The following DOCK2 variants were observed in gnomAD, a reference collection of about 807,000 sequenced individuals.
The protein encoded by DOCK2 is dedicator of cytokinesis protein 2.
DOCK2 carries 87 observed loss-of-function variants against 248.9 expected under a neutral mutation model. The ratio of observed to expected loss-of-function variants is 0.35; its 90% CI spans 0.29 to 0.42. The LOEUF (loss-of-function observed/expected upper bound fraction) is 0.42, where lower values mean the gene tolerates loss of function less well. Among genes scored for constraint, DOCK2 ranks in the 10% least tolerant of loss-of-function variants. The probability of loss-of-function intolerance (pLI) is 1.00; values close to 1 mark genes in which losing one functional copy is unlikely to be tolerated. For synonymous variants in DOCK2, 805 were observed against 821.6 expected (o/e 0.98, Z 0.35); for missense variants, 1,747 against 2,300.2 (o/e 0.76, Z 4.92).
At chr5:169,951,937 C>A (rs894465643) in intron 27 of DOCK2, among the ~76,000 whole-genome samples, 3 of 152,244 alleles carry the variant, frequency 2.0e-5, no homozygotes, top group African/African-American at 7.2e-5. Context: ...GACTCCTAGG[C>A]TCTATGTTAT....
chr5:169,928,806 A>G (rs547872833), intron 27 of DOCK2, among the ~76,000 whole-genome samples: 2 of 152,336 alleles, frequency 1.3e-5, no homozygotes, highest in Non-Finnish European at 2.9e-5. Context: ...ATCTAATGTT[A>G]TTAGGTTAAA....
chr5:170,008,879 A>G (rs1755170184), intron 32 of DOCK2, 133 bp downstream of exon 32: 3 of 1,079,414 alleles, frequency 2.8e-6, no homozygotes, highest in African/African-American at 3.1e-5. Flanking sequence ...TGTGTACCCC[A>G]GTTCCTAATA....
At chr5:169,760,520 A>G (rs1301526543) in intron 24 of DOCK2, among the ~76,000 whole-genome samples, 3 of 152,156 alleles carry the variant, frequency 2.0e-5, no homozygotes, top group African/African-American at 7.2e-5. Flanking sequence ...CAGTTTTTTC[A>G]TGGATGTCCT....
chr5:170,074,613 T>G (rs1225959511), intron 46 of DOCK2, among the ~76,000 whole-genome samples: 13 of 152,202 alleles, frequency 8.5e-5, no homozygotes, highest in Admixed American at 8.5e-4. Flanking sequence ...GAAGTGGAGC[T>G]CTCAGGACCC....
chr5:170,066,141 G>A (rs1405388373), intron 44 of DOCK2, among the ~76,000 whole-genome samples: 1 of 151,934 alleles, frequency 6.6e-6, no homozygotes, highest in Non-Finnish European at 1.5e-5. Flanking sequence ...TAGTAGAGAC[G>A]GGGTTTCACC....
intron 27 of DOCK2, among the ~76,000 whole-genome samples, chr5:169,969,138 G>A (rs1027838181): frequency 1.3e-5 from 2 of 151,758 alleles, no homozygotes; most frequent in South Asian, 4.2e-4. Context: ...ATCAAAGTGA[G>A]ACTCTGTTTC....
intron 30 of DOCK2, 83 bp downstream of exon 30, chr5:169,996,247 C>T: frequency 1.4e-6 from 2 of 1,403,088 alleles, no homozygotes; most frequent in South Asian, 2.5e-5. Flanking sequence ...TCAGACACAT[C>T]CCAAAGGCCA....
chr5:169,794,348 T>C (rs1045199726), intron 25 of DOCK2, among the ~76,000 whole-genome samples: 3 of 152,306 alleles, frequency 2.0e-5, no homozygotes, highest in Non-Finnish European at 2.9e-5. Flanking sequence ...ATAAGTCCTC[T>C]TCATCCAAAC....
intron 25 of DOCK2, among the ~76,000 whole-genome samples, chr5:169,778,309 C>T (rs373139477): frequency 7.9e-5 from 12 of 152,306 alleles, no homozygotes; most frequent in African/African-American, 2.4e-4. Context: ...TAAACATAGG[C>T]TCCTAACACC....
intron 32 of DOCK2, among the ~76,000 whole-genome samples, chr5:170,013,437 G>T (rs747142690): frequency 1.3e-5 from 2 of 152,046 alleles, no homozygotes; most frequent in African/African-American, 4.8e-5. Flanking sequence ...GGCTATCCAA[G>T]TGGGCTCAGT....
intron 26 of DOCK2, among the ~76,000 whole-genome samples, chr5:169,838,080 C>T (rs1769703506): frequency 6.6e-6 from 1 of 152,080 alleles, no homozygotes; most frequent in Admixed American, 6.5e-5. Context: ...AGGGGGAATA[C>T]ATAGCATTGA....
At chr5:170,037,877 A>G (rs1756376028) in intron 36 of DOCK2, among the ~76,000 whole-genome samples, 1 of 152,228 alleles carries the variant, frequency 6.6e-6, no homozygotes, top group Non-Finnish European at 1.5e-5. Flanking sequence ...TTGAGGAGCA[A>G]GGTATTTACA....
At chr5:169,737,495 A>G (rs537175927) in intron 22 of DOCK2, among the ~76,000 whole-genome samples, 2 of 152,174 alleles carry the variant, frequency 1.3e-5, no homozygotes, top group South Asian at 4.2e-4. Flanking sequence ...CCAAAAAGTG[A>G]TGTCTTTTTG....
chr5:170,058,992 C>T (rs1205772316), intron 44 of DOCK2, among the ~76,000 whole-genome samples: 1 of 152,138 alleles, frequency 6.6e-6, no homozygotes, highest in Non-Finnish European at 1.5e-5. Context: ...ATTTCAACCC[C>T]TCAGCAACCC....
chr5:169,649,028 C>T (rs1757644828), intron 1 of DOCK2, among the ~76,000 whole-genome samples: 1 of 152,248 alleles, frequency 6.6e-6, no homozygotes, highest in Non-Finnish European at 1.5e-5. Context: ...CGGAGGCTGT[C>T]AACACCTGTC....
At chr5:170,001,472 C>G (rs1754830291) in intron 30 of DOCK2, among the ~76,000 whole-genome samples, 2 of 152,202 alleles carry the variant, frequency 1.3e-5, no homozygotes, top group South Asian at 4.2e-4. Flanking sequence ...AATACAAGTC[C>G]TGGAGTCAGA....
intron 27 of DOCK2, among the ~76,000 whole-genome samples, chr5:169,963,081 G>T (rs1217394726): frequency 2.0e-5 from 3 of 152,124 alleles, no homozygotes; most frequent in Non-Finnish European, 4.4e-5. Flanking sequence ...ATATCTACTG[G>T]GTTCCCCTGG....
rs67124138 is a variant in DOCK2 at position 169,853,804 on chromosome 5, CTTTTTTTTTTTTTTTTTTTTTTTT to C, written c.2799+12974_2799+12997del. On this transcript the variant is annotated intron_variant, in intron 27 of 51. Transcript: ENST00000520908. ...TTCCTTCTATAATCAGGAAAAACAA[CTTTTTTTTTTTTTTTTTTTTTTTT>C]TTTTTTTTTTTTTTTTTTTTTGTGG... 5.1e-4 allele frequency among the ~76,000 whole-genome samples: 29 copies of C among 56,848 alleles called. 1 individual carries two copies. Among genetic ancestry groups the C allele is most frequent in the Admixed American group, 9.8e-4 (3 of 3,072 alleles). The allele number at this position is 56,848 out of a possible 152,430, so 37.3% of individuals were successfully genotyped here. A position where few individuals can be genotyped will look rare whatever the true frequency, so the allele number is the denominator to read the frequency against.
At chr5:169,700,222 A>G in intron 13 of DOCK2, 83 bp downstream of exon 13, 1 of 1,515,572 alleles carries the variant, frequency 6.6e-7, no homozygotes, top group Non-Finnish European at 8.8e-7. Context: ...CTAAAGAGTC[A>G]ACTCCTTCCT....
Sources: gnomAD v4.1 joint callset for allele counts (sites outside exome capture counted in the v4.1 genomes callset) on GRCh38, gnomAD v4.1.1 for gene constraint, MANE v1.5 for transcripts, NCBI Gene and HGNC (gene_info 2026-07-23, HGNC 2026-07-21) for gene names.